Variants in ADGRL3 observed in about 807,000 individuals in gnomAD.
The protein encoded by ADGRL3 is calcium-independent alpha-latrotoxin receptor 3.
In ADGRL3, 62 loss-of-function variants were observed where a neutral mutation model predicts 153.5. The observed-to-expected ratio is 0.40, with a 90% CI of 0.33 to 0.50. The LOEUF (loss-of-function observed/expected upper bound fraction) is 0.50, where lower values mean the gene tolerates loss of function less well. Ranked by LOEUF, ADGRL3 falls within the 20% of genes least tolerant of loss-of-function variation. The pLI is 0.47. For missense variants in ADGRL3, 1,641 were observed against 1,859.4 expected (o/e 0.88, Z 2.16); for synonymous variants, 710 against 672.5 (o/e 1.06, Z -0.86).
chr4:61,520,650 C>CTGTGTGTGTGTGTGTGTG (rs1368696431), intron 4 of ADGRL3, among the ~76,000 whole-genome samples: 4 of 32,894 alleles, frequency 1.2e-4, no homozygotes, highest in African/African-American at 5.3e-4. Flanking sequence ...TTCTATAAAC[C>CTGTGTGTGTGTGTGTGTG]TCTGTGTGTG....
chr4:61,782,287 A>G (rs1237679883), intron 8 of ADGRL3, among the ~76,000 whole-genome samples: 1 of 152,196 alleles, frequency 6.6e-6, no homozygotes, highest in African/African-American at 2.4e-5. Context: ...GCACTTGGCC[A>G]TTATTTGCTG....
intron 23 of ADGRL3, among the ~76,000 whole-genome samples, chr4:62,036,887 T>C (rs1429883135): frequency 6.6e-6 from 1 of 152,018 alleles, no homozygotes; most frequent in Non-Finnish European, 1.5e-5. Flanking sequence ...ATATGCCTTG[T>C]TCAATTAAAT....
At chr4:61,775,729 C>A in intron 8 of ADGRL3, 1 of 1,054,682 alleles carries the variant, frequency 9.5e-7, no homozygotes. Flanking sequence ...CTTGTCTAAG[C>A]CTTTGGTAGC....
At chr4:62,061,421 C>A (rs1156805626) in intron 25 of ADGRL3, among the ~76,000 whole-genome samples, 5 of 151,892 alleles carry the variant, frequency 3.3e-5, no homozygotes, top group Non-Finnish European at 5.9e-5. Flanking sequence ...TTGACACAAT[C>A]CACCACTCTT....
intron 8 of ADGRL3, among the ~76,000 whole-genome samples, chr4:61,810,637 A>G (rs1312052484): frequency 1.3e-5 from 2 of 152,200 alleles, no homozygotes; most frequent in African/African-American, 4.8e-5. Context: ...AGATAGAAAA[A>G]TAAAGGCTTT....
intron 9 of ADGRL3, among the ~76,000 whole-genome samples, chr4:61,853,791 A>G (rs1375570025): frequency 6.6e-6 from 1 of 152,200 alleles, no homozygotes; most frequent in Non-Finnish European, 1.5e-5. Context: ...CAGGTTTCCC[A>G]GTCATAGTCC....
intron 17 of ADGRL3, among the ~76,000 whole-genome samples, chr4:61,958,646 A>G (rs887442770): frequency 1.3e-5 from 2 of 152,038 alleles, no homozygotes; most frequent in South Asian, 4.1e-4. Context: ...GAGCAGGGAA[A>G]ACTGCCACTT....
intron 1 of ADGRL3, among the ~76,000 whole-genome samples, chr4:61,291,576 AT>A (rs1560434334): frequency 1.1e-4 from 2 of 18,266 alleles, no homozygotes; most frequent in Non-Finnish European, 3.1e-4. Context: ...ACATATATAT[AT>A]ATATACATAT....
At chr4:61,729,192 C>T (rs1021285945) in intron 6 of ADGRL3, among the ~76,000 whole-genome samples, 1 of 151,566 alleles carries the variant, frequency 6.6e-6, no homozygotes, top group African/African-American at 2.4e-5. Flanking sequence ...CATGTACCCC[C>T]GATGCCAAAA....
intron 11 of ADGRL3, among the ~76,000 whole-genome samples, chr4:61,905,622 C>A (rs1215126426): frequency 6.6e-6 from 1 of 152,088 alleles, no homozygotes; most frequent in Non-Finnish European, 1.5e-5. Flanking sequence ...GGGCCAGGTG[C>A]AGTAGTTCAC....
intron 5 of ADGRL3, among the ~76,000 whole-genome samples, chr4:61,655,635 T>G (rs2094423541): frequency 6.6e-6 from 1 of 152,200 alleles, no homozygotes; most frequent in Non-Finnish European, 1.5e-5. Flanking sequence ...GGGGTTGTGG[T>G]CAGTAGCAAG....
At chr4:61,576,955 G>A (rs976793665) in intron 4 of ADGRL3, among the ~76,000 whole-genome samples, 1 of 151,870 alleles carries the variant, frequency 6.6e-6, no homozygotes, top group Non-Finnish European at 1.5e-5. Context: ...GTGGATAATG[G>A]ATGTATAAAT....
At chr4:61,606,523 C>T (rs1579816264) in intron 5 of ADGRL3, among the ~76,000 whole-genome samples, 1 of 152,276 alleles carries the variant, frequency 6.6e-6, no homozygotes, top group Admixed American at 6.5e-5. Flanking sequence ...TCTCTGTGCC[C>T]TTAAACTCCT....
At chr4:61,213,926 T>G (rs1159491358) in intron 1 of ADGRL3, among the ~76,000 whole-genome samples, 1 of 152,158 alleles carries the variant, frequency 6.6e-6, no homozygotes, top group African/African-American at 2.4e-5. Context: ...TTTGACTTTT[T>G]CTACTTGGTT....
intron 25 of ADGRL3, among the ~76,000 whole-genome samples, chr4:62,053,829 G>C (rs1297983013): frequency 6.6e-6 from 1 of 151,508 alleles, no homozygotes; most frequent in East Asian, 1.9e-4. Context: ...CTGCATGTAA[G>C]ATTATATAAT....
At chr4:61,283,343 C>G (rs564267261) in intron 1 of ADGRL3, among the ~76,000 whole-genome samples, 1 of 152,168 alleles carries the variant, frequency 6.6e-6, no homozygotes, top group East Asian at 1.9e-4. Context: ...ACTTAGCACC[C>G]ACAAAAATTG....
At chr4:61,651,382 T>G (rs1580097182) in intron 5 of ADGRL3, among the ~76,000 whole-genome samples, 1 of 152,130 alleles carries the variant, frequency 6.6e-6, no homozygotes, top group Non-Finnish European at 1.5e-5. Context: ...AAATCAAAAA[T>G]TACCAAAATT....
intron 1 of ADGRL3, among the ~76,000 whole-genome samples, chr4:61,375,658 A>G (rs2096594424): frequency 6.6e-6 from 1 of 152,168 alleles, no homozygotes; most frequent in South Asian, 2.1e-4. Flanking sequence ...ATGTTTTAGT[A>G]CAGAGCCTCT....
chr4:61,269,487 A>T (rs937612982), intron 1 of ADGRL3, among the ~76,000 whole-genome samples: 4 of 151,612 alleles, frequency 2.6e-5, no homozygotes, highest in African/African-American at 9.7e-5. Flanking sequence ...TTTCATTATC[A>T]TGCCCACCTT....
Sources: allele counts gnomAD v4.1 joint callset (sites outside exome capture counted in the v4.1 genomes callset), GRCh38; gene constraint gnomAD v4.1.1; transcripts MANE v1.5; gene names NCBI Gene and HGNC (gene_info 2026-07-23, HGNC 2026-07-21).